APLF: variants seen among roughly 807,000 people sequenced by gnomAD.
APLF encodes aprataxin and PNKP like factor.
In APLF, 61 loss-of-function variants were observed where a neutral mutation model predicts 55.6. That is an observed-to-expected ratio of 1.10 (90% CI 0.89 to 1.36). The LOEUF is 1.36. Among genes scored for constraint, APLF ranks in the 40% most tolerant of loss-of-function variants. The pLI is 0.00. For missense variants in APLF, 611 were observed against 602.5 expected (o/e 1.01, Z -0.15); for synonymous variants, 207 against 214.8 (o/e 0.96, Z 0.32).
rs772485914 is a variant in APLF at position 68,513,122 on chromosome 2, A to C, written c.384A>C (p.Thr128=). The C allele has an allele frequency of 4.2e-5, 67 of 1,611,000 alleles. No individual in the cohort carries two copies. The highest frequency in any genetic ancestry group is 5.6e-5 in the Non-Finnish European group (66 of 1,178,152). The change falls in exon 4 of 10, where the codon ACA becomes ACC. Residue 128 remains threonine, a synonymous_variant. Transcript: ENST00000303795. ...VLDEDNILNE[T]PKSPVINLPH... ...ATGAAGATAATATATTGAATGAAAC[A>C]CCAAAATCCCCCGTGATTAATTTAC...
chr2:68,518,296 AATATATT>A (rs1474412314), intron 5 of APLF, among the ~76,000 whole-genome samples: 2 of 115,224 alleles, frequency 1.7e-5, no homozygotes, highest in East Asian at 4.9e-4. Flanking sequence ...TTAATATATT[AATATATT>A]ATATATTATT....
intron 1 of APLF, among the ~76,000 whole-genome samples, chr2:68,480,386 C>T (rs139305160): frequency 1.4e-4 from 22 of 151,752 alleles, no homozygotes; most frequent in African/African-American, 5.1e-4. Flanking sequence ...CTCACTGCAA[C>T]CTCCGTCTCC....
intron 8 of APLF, chr2:68,563,361 T>A (rs1671216680): frequency 1.0e-6 from 1 of 982,674 alleles, no homozygotes; most frequent in Admixed American, 6.2e-5. Context: ...CTTTCATAGT[T>A]ATTTGCTCAT....
intron 6 of APLF, 101 bp downstream of exon 6, chr2:68,526,343 T>G: frequency 2.1e-6 from 3 of 1,446,190 alleles, no homozygotes; most frequent in African/African-American, 2.9e-5. Context: ...TGCCTTTTAT[T>G]GTTGAGTTTA....
At chr2:68,519,014 A>AATAAT (rs1482820324) in intron 5 of APLF, among the ~76,000 whole-genome samples, 3 of 124,518 alleles carry the variant, frequency 2.4e-5, no homozygotes, top group Non-Finnish European at 3.1e-5. Context: ...ATTAATATAT[A>AATAAT]ATAATATATA....
chr2:68,568,313 C>G, intron 9 of APLF: 1 of 985,180 alleles, frequency 1.0e-6, no homozygotes, highest in Non-Finnish European at 1.2e-6. Flanking sequence ...CACTCACTTG[C>G]ATTTATATGT....
chr2:68,508,928 C>T (rs1021073973), intron 3 of APLF, among the ~76,000 whole-genome samples: 3 of 152,008 alleles, frequency 2.0e-5, no homozygotes, highest in Admixed American at 6.6e-5. Context: ...ACATCTACAA[C>T]CATCTGATCT....
intron 1 of APLF, among the ~76,000 whole-genome samples, chr2:68,474,911 G>T (rs1171771205): frequency 6.6e-6 from 1 of 152,126 alleles, no homozygotes; most frequent in African/African-American, 2.4e-5. Context: ...TAGGTGATCT[G>T]CCTGCCTCAG....
intron 3 of APLF, among the ~76,000 whole-genome samples, chr2:68,506,875 T>G (rs80204631): frequency 0.012 from 1,861 of 152,064 alleles, 45 homozygotes; most frequent in African/African-American, 0.043. Flanking sequence ...TACCATAATG[T>G]TGAGGGAAAA....
chr2:68,522,257 G>T (rs1285569672), intron 5 of APLF, among the ~76,000 whole-genome samples: 2 of 151,520 alleles, frequency 1.3e-5, no homozygotes, highest in African/African-American at 4.8e-5. Flanking sequence ...TATTTTTTCA[G>T]GAATAACTTG....
chr2:68,484,839 A>C (rs184989988), intron 1 of APLF, among the ~76,000 whole-genome samples: 1 of 152,140 alleles, frequency 6.6e-6, no homozygotes, highest in African/African-American at 2.4e-5. Context: ...TCTAAAAAAA[A>C]AAATAAATAC....
chr2:68,537,325 A>G (rs1024979550), intron 6 of APLF, among the ~76,000 whole-genome samples: 13 of 151,106 alleles, frequency 8.6e-5, no homozygotes, highest in Admixed American at 7.9e-4. Context: ...AATGTTTGAC[A>G]TGATTGTAAA....
At chr2:68,560,856 G>T in intron 8 of APLF, among the ~76,000 whole-genome samples, 1 of 152,108 alleles carries the variant, frequency 6.6e-6, no homozygotes, top group East Asian at 1.9e-4. Flanking sequence ...TATTTCAAAT[G>T]CTCGTATTCC....
chr2:68,490,132 T>G, intron 1 of APLF, 58 bp from the exon 2 acceptor site: 3 of 1,332,066 alleles, frequency 2.3e-6, no homozygotes, highest in Non-Finnish European at 3.1e-6. Flanking sequence ...TGCCTTTTTG[T>G]TTTGTTGCTT....
chr2:68,532,817 A>G (rs967462568), intron 6 of APLF, among the ~76,000 whole-genome samples: 3 of 152,106 alleles, frequency 2.0e-5, no homozygotes, highest in African/African-American at 7.2e-5. Flanking sequence ...TATCTCCTCT[A>G]AAGATTTATG....
In APLF at chr2:68,467,764, C is replaced by G; in HGVS notation, c.33C>G (p.Asp11Glu). Residue 11 changes from aspartate to glutamate, a missense_variant, in exon 1 of 10, where the codon GAC becomes GAG. Asp to Glu is a conservative substitution (Grantham distance 45, BLOSUM62 2). Coordinates refer to ENST00000303795, the MANE Select transcript of APLF (RefSeq NM_173545.3). ...GGGGCTTCGAGCTGCAGCCGCGGGACGGCGGTCCCCGGGTGGCCCTGGCGC... is the reference window on the plus strand; with the variant it reads ...GGGGCTTCGAGCTGCAGCCGCGGGAGGGCGGTCCCCGGGTGGCCCTGGCGC... MSGGFELQPR[D>E]GGPRVALAPG... The G allele has an allele frequency of 1.6e-6, 2 of 1,234,584 alleles. No individual in the cohort carries two copies. The highest frequency in any genetic ancestry group is 8.2e-5 in the South Asian group (2 of 24,414). 76.5% of individuals were successfully genotyped at this position (1,234,584 alleles called of 1,614,324 possible).
chr2:68,557,523 CA>C (rs1671049455), intron 8 of APLF, among the ~76,000 whole-genome samples: 1 of 152,130 alleles, frequency 6.6e-6, no homozygotes, highest in African/African-American at 2.4e-5. Flanking sequence ...TTTCATGAAG[CA>C]AAAATAAATC....
At chr2:68,528,883 C>G in intron 6 of APLF, 1 of 1,520,298 alleles carries the variant, frequency 6.6e-7, no homozygotes, top group Non-Finnish European at 8.8e-7. Flanking sequence ...TGAGGTTTCC[C>G]TGAGTCTCCA....
chr2:68,517,064 A>G (rs1669612584), intron 5 of APLF, among the ~76,000 whole-genome samples: 1 of 124,398 alleles, frequency 8.0e-6, no homozygotes, highest in South Asian at 2.2e-4. Context: ...TTAATATATA[A>G]CATGTTAATA....
Sources: allele counts gnomAD v4.1 joint callset (sites outside exome capture counted in the v4.1 genomes callset), GRCh38; gene constraint gnomAD v4.1.1; transcripts MANE v1.5; gene names NCBI Gene and HGNC (gene_info 2026-07-23, HGNC 2026-07-21).